UVRAG: variants seen among roughly 807,000 people sequenced by gnomAD.
The protein encoded by UVRAG is UV radiation resistance-associated gene protein.
Under a neutral mutation model 78.0 loss-of-function variants are expected in UVRAG, and 19 were observed. The ratio of observed to expected loss-of-function variants is 0.24; its 90% confidence interval spans 0.17 to 0.36. The LOEUF (loss-of-function observed/expected upper bound fraction) is 0.36, where lower values mean the gene tolerates loss of function less well. Ranked by LOEUF, UVRAG falls within the 10% of genes least tolerant of loss-of-function variation. The pLI, the probability that UVRAG is intolerant of heterozygous loss-of-function variation, is 1.00. For missense variants in UVRAG, 740 were observed against 853.8 expected (o/e 0.87, Z 1.66); for synonymous variants, 323 against 324.6 (o/e 1.00, Z 0.05).
intron 14 of UVRAG, among the ~76,000 whole-genome samples, chr11:76,125,816 C>CA (rs879805404): frequency 2.0e-4 from 30 of 152,040 alleles, no homozygotes; most frequent in African/African-American, 6.7e-4. Context: ...AATTCAGGCA[C>CA]AAAAAAATCA....
intron 4 of UVRAG, among the ~76,000 whole-genome samples, chr11:75,885,940 A>ATT (rs57572296): frequency 0.11 from 17,171 of 151,844 alleles, 1,927 homozygotes; most frequent in African/African-American, 0.3. Context: ...TTATTATCTC[A>ATT]CCGTTTTTAT....
intron 1 of UVRAG, among the ~76,000 whole-genome samples, chr11:75,823,719 G>T (rs945401267): frequency 3.9e-5 from 6 of 152,120 alleles, no homozygotes; most frequent in Admixed American, 6.5e-5. Context: ...TTCTTTGCAG[G>T]GTTCTGGTGA....
chr11:75,939,067 T>G (rs1948433751), intron 6 of UVRAG, among the ~76,000 whole-genome samples: 1 of 152,068 alleles, frequency 6.6e-6, no homozygotes, highest in Non-Finnish European at 1.5e-5. Flanking sequence ...AGTCTTGAAA[T>G]CTATCCTCTC....
intron 1 of UVRAG, among the ~76,000 whole-genome samples, chr11:75,836,413 G>A (rs1945776505): frequency 6.6e-6 from 1 of 152,184 alleles, no homozygotes; most frequent in African/African-American, 2.4e-5. Context: ...GCAAAATCAA[G>A]ATTTGGACAC....
At chr11:75,864,409 C>T (rs758834810) in intron 3 of UVRAG, among the ~76,000 whole-genome samples, 2 of 152,120 alleles carry the variant, frequency 1.3e-5, no homozygotes, top group African/African-American at 2.4e-5. Flanking sequence ...TTTGCTAATT[C>T]ATTGTGATTG....
intron 6 of UVRAG, among the ~76,000 whole-genome samples, chr11:75,954,116 C>T (rs1429636730): frequency 6.6e-6 from 1 of 152,068 alleles, no homozygotes; most frequent in Non-Finnish European, 1.5e-5. Context: ...CTTTTATTCT[C>T]CTGTTGGGTT....
intron 3 of UVRAG, among the ~76,000 whole-genome samples, chr11:75,872,241 C>T (rs1299609586): frequency 6.6e-6 from 1 of 152,102 alleles, no homozygotes; most frequent in Non-Finnish European, 1.5e-5. Context: ...TCAACCTTTT[C>T]TCAACAAGTC....
At chr11:76,090,442 T>G (rs1165539555) in intron 13 of UVRAG, among the ~76,000 whole-genome samples, 1 of 152,070 alleles carries the variant, frequency 6.6e-6, no homozygotes, top group Non-Finnish European at 1.5e-5. Flanking sequence ...CCTTTAACCC[T>G]CCCTGGCAGT....
At chr11:75,815,631 C>T (rs980661901) in intron 1 of UVRAG, 107 bp downstream of exon 1, 2 of 634,692 alleles carry the variant, frequency 3.2e-6, no homozygotes, top group Non-Finnish European at 4.5e-6. Context: ...AGAGCAGGGA[C>T]CCGGAGGGCT....
At chr11:76,052,746 C>A (rs1950893857) in intron 12 of UVRAG, among the ~76,000 whole-genome samples, 1 of 152,140 alleles carries the variant, frequency 6.6e-6, no homozygotes, top group African/African-American at 2.4e-5. Context: ...TTTCTGGCTC[C>A]TTCTCCCCAT....
At chr11:75,990,719 C>T (rs1185460911) in intron 8 of UVRAG, among the ~76,000 whole-genome samples, 1 of 152,174 alleles carries the variant, frequency 6.6e-6, no homozygotes, top group Non-Finnish European at 1.5e-5. Context: ...TCCTCCCACC[C>T]CTAGGTTAAA....
intron 13 of UVRAG, among the ~76,000 whole-genome samples, chr11:76,085,117 A>G (rs2134417089): frequency 6.6e-6 from 1 of 151,158 alleles, no homozygotes; most frequent in African/African-American, 2.4e-5. Context: ...ATCCCCCACC[A>G]CATTGCCTTA....
At chr11:75,934,840 A>G (rs1440344695) in intron 6 of UVRAG, 1 of 152,188 alleles carries the variant, frequency 6.6e-6, no homozygotes, top group Non-Finnish European at 1.5e-5. Flanking sequence ...CAAGTCTGTA[A>G]CAGATTAAAT....
intron 13 of UVRAG, among the ~76,000 whole-genome samples, chr11:76,071,793 T>C (rs1842238907): frequency 6.6e-6 from 1 of 151,674 alleles, no homozygotes; most frequent in South Asian, 2.1e-4. Context: ...ACGTGGGAGA[T>C]GAGGGAAAAA....
At chr11:76,118,969 G>A (rs1952230900) in intron 14 of UVRAG, among the ~76,000 whole-genome samples, 1 of 152,110 alleles carries the variant, frequency 6.6e-6, no homozygotes, top group African/African-American at 2.4e-5. Flanking sequence ...GTTTGTTGCT[G>A]GGGAGAGTGT....
chr11:76,117,831 G>A (rs964213158), intron 14 of UVRAG, among the ~76,000 whole-genome samples: 1 of 152,246 alleles, frequency 6.6e-6, no homozygotes. Flanking sequence ...CCTCCTCTGA[G>A]AGAGTGAGAG....
intron 13 of UVRAG, among the ~76,000 whole-genome samples, chr11:76,100,979 T>C (rs930410639): frequency 2.6e-5 from 4 of 152,212 alleles, no homozygotes; most frequent in Non-Finnish European, 4.4e-5. Context: ...ATGGTGTATA[T>C]GTACCACATT....
At chr11:75,884,601 G>A (rs955335491) in intron 4 of UVRAG, among the ~76,000 whole-genome samples, 2 of 152,068 alleles carry the variant, frequency 1.3e-5, no homozygotes, top group Non-Finnish European at 2.9e-5. Flanking sequence ...TATATAAAGT[G>A]CAAGGTTCAT....
chr11:76,041,943 G>A (rs978332222), intron 12 of UVRAG, among the ~76,000 whole-genome samples: 1 of 152,176 alleles, frequency 6.6e-6, no homozygotes, highest in African/African-American at 2.4e-5. Flanking sequence ...CACAAATTGT[G>A]TCACAGAGAG....
Sources: allele counts gnomAD v4.1 joint callset (sites outside exome capture counted in the v4.1 genomes callset), GRCh38; gene constraint gnomAD v4.1.1; transcripts MANE v1.5; gene names NCBI Gene and HGNC (gene_info 2026-07-23, HGNC 2026-07-21).